LARS1: variants seen among roughly 807,000 people sequenced by gnomAD.
LARS1 encodes leucine--tRNA ligase, cytoplasmic.
In LARS1, 100 loss-of-function variants were observed where a neutral mutation model predicts 162.8. That is an observed-to-expected ratio of 0.61 (90% CI 0.52 to 0.73). The LOEUF (loss-of-function observed/expected upper bound fraction) is 0.73. Ranked by LOEUF, LARS1 falls within the 30% of genes least tolerant of loss-of-function variation. The probability of loss-of-function intolerance (pLI) is 0.00; values close to 1 mark genes in which losing one functional copy is unlikely to be tolerated. For missense variants in LARS1, 1,258 were observed against 1,408.9 expected (o/e 0.89, Z 1.71); for synonymous variants, 457 against 462.8 (o/e 0.99, Z 0.16).
At chr5:146,116,438 A>C (rs1764214459) in intron 31 of LARS1, among the ~76,000 whole-genome samples, 1 of 152,168 alleles carries the variant, frequency 6.6e-6, no homozygotes, top group Non-Finnish European at 1.5e-5. Flanking sequence ...AAACTAGTTC[A>C]AAGAAACCTT....
chr5:146,161,821 T>C (rs1158701759), intron 6 of LARS1, among the ~76,000 whole-genome samples: 1 of 152,166 alleles, frequency 6.6e-6, no homozygotes. Flanking sequence ...CTAAAGTTTA[T>C]GTGATATTCA....
chr5:146,153,072 CA>C (rs1368589443), intron 13 of LARS1, 101 bp downstream of exon 13: 7 of 902,312 alleles, frequency 7.8e-6, no homozygotes, highest in African/African-American at 1.7e-5. Context: ...CTCTCTTTTT[CA>C]TACTCCACCA....
rs551568781 is a variant in LARS1 at position 146,167,534 on chromosome 5, G to A, written c.432+594C>T. ...TTCTGATGCCTCAGCCTCCCGAGTA[G>A]CTGGGAATACAGGCGCCCACCACCA... On this transcript the variant is annotated intron_variant, in intron 5 of 31. Transcript: ENST00000394434. Among the ~76,000 whole-genome samples, 66 of 152,118 alleles carry A rather than the reference G, an allele frequency of 4.3e-4. 1 individual carries two copies. Among genetic ancestry groups the A allele is most frequent in the African/African-American group, 1.6e-3 (65 of 41,490 alleles).
intron 1 of LARS1, among the ~76,000 whole-genome samples, chr5:146,179,269 C>A (rs1446987146): frequency 6.6e-6 from 1 of 152,114 alleles, no homozygotes; most frequent in African/African-American, 2.4e-5. Flanking sequence ...TCAAGCAATT[C>A]TCCTGCCTCA....
Position 146,157,527 on chromosome 5 carries a change from A to G in LARS1, c.941T>C (p.Ile314Thr), listed in dbSNP as rs1392230733. The change falls in exon 10 of 32, where the codon ATT becomes ACT. Residue 314 changes from isoleucine (I) to threonine (T), a missense_variant. Ile to Thr is a moderately conservative substitution (Grantham distance 89). Transcript: ENST00000394434. ...NCWVRPDMKY[I>T]GFETVNGDIF... is the part of the protein sequence containing the mutation. ...ATCACCATTCACCGTCTCAAATCCA[A>G]TGTACTTCATATCAGGACGAACCCA... The G allele has an allele frequency of 6.2e-7, 1 of 1,614,056 alleles. No individual in the cohort carries two copies. The highest frequency in any genetic ancestry group is 1.7e-5 in the Admixed American group (1 of 59,998).
At chr5:146,176,248 T>C (rs1361485370) in intron 2 of LARS1, among the ~76,000 whole-genome samples, 3 of 151,484 alleles carry the variant, frequency 2.0e-5, no homozygotes, top group African/African-American at 7.3e-5. Flanking sequence ...GGTCAGGAAA[T>C]CGAGACCATC....
intron 20 of LARS1, 89 bp from the exon 21 acceptor site, chr5:146,140,350 A>C: frequency 1.0e-6 from 1 of 967,782 alleles, no homozygotes; most frequent in Non-Finnish European, 1.6e-6. Context: ...TAATAGACTC[A>C]TAAAGGCTTG....
intron 31 of LARS1, among the ~76,000 whole-genome samples, chr5:146,116,541 T>C (rs1764220438): frequency 6.6e-6 from 1 of 152,250 alleles, no homozygotes; most frequent in Non-Finnish European, 1.5e-5. Context: ...AGAGCTTTCT[T>C]ACTGGTTTAA....
chr5:146,157,821 T>C (rs748354498), intron 8 of LARS1, 26 bp from the exon 9 acceptor site: 4 of 1,609,628 alleles, frequency 2.5e-6, no homozygotes, highest in African/African-American at 1.3e-5. Flanking sequence ...ATACAAAAAT[T>C]TGAAGGAAAA....
chr5:146,180,511 A>T (rs960747595), intron 1 of LARS1, among the ~76,000 whole-genome samples: 13 of 152,168 alleles, frequency 8.5e-5, no homozygotes, highest in Admixed American at 2.0e-4. Context: ...CATTTCAAAA[A>T]AAAAATAAAA....
At chr5:146,179,640 C>T (rs1365332131) in intron 1 of LARS1, 1 of 423,090 alleles carries the variant, frequency 2.4e-6, no homozygotes, top group Non-Finnish European at 4.8e-6. Context: ...CCTCTGCCAC[C>T]CAGGCTGGAG....
intron 13 of LARS1, among the ~76,000 whole-genome samples, chr5:146,152,668 G>T (rs1395090037): frequency 6.6e-6 from 1 of 152,174 alleles, no homozygotes; most frequent in Non-Finnish European, 1.5e-5. Context: ...GCCTGCTGAT[G>T]TAAACAACTA....
intron 29 of LARS1, among the ~76,000 whole-genome samples, chr5:146,123,328 T>A (rs928251139): frequency 3.3e-5 from 5 of 151,912 alleles, no homozygotes; most frequent in Non-Finnish European, 7.4e-5. Flanking sequence ...GACCAGCTTA[T>A]TTACGATCTA....
rs563786309 is a variant in LARS1, at chr5:146,113,907, CAAAG to C, written c.*195_*198del. 156 of 541,466 alleles carry C rather than the reference CAAAG, an allele frequency of 2.9e-4. No homozygotes were observed. The highest frequency in any genetic ancestry group is 2.5e-3 in the African/African-American group (134 of 52,962). The allele number at this position is 541,466 out of a possible 1,614,324, so 33.5% of individuals were successfully genotyped here. A position where few individuals can be genotyped will look rare whatever the true frequency, so the allele number is the denominator to read the frequency against. On this transcript the variant is annotated 3_prime_UTR_variant, in exon 32 of 32. Transcript: ENST00000394434. Reference sequence around the variant, plus strand: ...GCAAAAACCATTTCTCTTGGACACCCAAAGAAAGGGAAAAAAAATTTATTAGGTC... The same window carrying C: ...GCAAAAACCATTTCTCTTGGACACCCAAAGGGAAAAAAAATTTATTAGGTC...
At chr5:146,152,941 T>C (rs1753358874) in intron 13 of LARS1, among the ~76,000 whole-genome samples, 1 of 152,210 alleles carries the variant, frequency 6.6e-6, no homozygotes, top group Non-Finnish European at 1.5e-5. Context: ...TTGGTGATGC[T>C]AAAAAGCTAT....
At chr5:146,174,252 C>G (rs777690344) in intron 2 of LARS1, among the ~76,000 whole-genome samples, 6 of 147,396 alleles carry the variant, frequency 4.1e-5, no homozygotes, top group African/African-American at 1.5e-4. Flanking sequence ...GATTTCAAGA[C>G]TAGCCTAACG....
At chr5:146,115,526 C>T (rs567808395) in intron 31 of LARS1, among the ~76,000 whole-genome samples, 1 of 138,822 alleles carries the variant, frequency 7.2e-6, no homozygotes, top group South Asian at 2.3e-4. Context: ...AATACCCACC[C>T]TGCTTGAGAT....
chr5:146,160,967 A>G (rs2963913), intron 6 of LARS1, among the ~76,000 whole-genome samples: 147,006 of 152,272 alleles, frequency 0.97, 71,186 homozygotes, highest in East Asian at 1. Flanking sequence ...AAAATTAGGA[A>G]TTGGTCCAAA....
At chr5:146,164,591 C>T (rs1005297443) in intron 5 of LARS1, 120 bp from the exon 6 acceptor site, 15 of 937,250 alleles carry the variant, frequency 1.6e-5, no homozygotes, top group Non-Finnish European at 2.2e-5. Flanking sequence ...TACATCAGAA[C>T]ACTGCAGGAA....
Sources: allele counts gnomAD v4.1 joint callset (sites outside exome capture counted in the v4.1 genomes callset), GRCh38; gene constraint gnomAD v4.1.1; transcripts MANE v1.5; gene names NCBI Gene and HGNC (gene_info 2026-07-23, HGNC 2026-07-21).